Variants in PTCHD1 observed in about 807,000 individuals in gnomAD.
PTCHD1 encodes patched domain-containing protein 1.
In PTCHD1, 3 loss-of-function variants were observed where a neutral mutation model predicts 34.6. That is an observed-to-expected ratio of 0.09 (90% CI 0.04 to 0.22). PTCHD1 has a LOEUF of 0.22. PTCHD1 is among the 10% of genes least tolerant of loss of function. The pLI, the probability that PTCHD1 is intolerant of heterozygous loss-of-function variation, is 1.00. For missense variants in PTCHD1, 504 were observed against 685.5 expected (o/e 0.74, Z 2.96); for synonymous variants, 305 against 283.1 (o/e 1.08, Z -0.77).
At chrX:23,389,462 G>A (rs1364052024) in intron 2 of PTCHD1, among the ~76,000 whole-genome samples, 1 of 111,956 alleles carries the variant, frequency 8.9e-6, no homozygotes, top group African/African-American at 3.3e-5. Context: ...CCCAGTTATG[G>A]TATCAGCAAT....
intron 1 of PTCHD1, among the ~76,000 whole-genome samples, chrX:23,336,336 C>T (rs1426883725): frequency 9.0e-6 from 1 of 110,981 alleles, no homozygotes; most frequent in Non-Finnish European, 1.9e-5. Flanking sequence ...AAGAACCAGT[C>T]CCAGCTGGGA....
chrX:23,337,995 G>C (rs758641176), intron 1 of PTCHD1, among the ~76,000 whole-genome samples: 1 of 112,000 alleles, frequency 8.9e-6, no homozygotes, highest in South Asian at 3.8e-4. Context: ...AAATGTAATT[G>C]AGAGTATTAC....
intron 1 of PTCHD1, among the ~76,000 whole-genome samples, chrX:23,377,578 GT>G (rs1922444656): frequency 7.2e-5 from 6 of 83,340 alleles, no homozygotes; most frequent in South Asian, 5.3e-4. Flanking sequence ...TCCTAGGGGT[GT>G]GTGTGTGTGT....
intron 1 of PTCHD1, among the ~76,000 whole-genome samples, chrX:23,370,520 C>G (rs1922248873): frequency 8.9e-6 from 1 of 111,850 alleles, no homozygotes. Flanking sequence ...GGAAGAAATG[C>G]ACTGTCCTAT....
In PTCHD1 at chrX:23,350,520, A is replaced by G. The variant is rs765592998; in HGVS notation, c.351+15294A>G. 5.4e-5 allele frequency among the ~76,000 whole-genome samples: 6 copies of G among 112,006 alleles called. No individual in the cohort carries two copies. The South Asian group carries it at 1.9e-3, about 35-fold the overall frequency. ...TTGGAGAAAAGGATTCAGCTGTTGT[A>G]TATATGCCAGTTGCAATACTCCCAA... is the stretch of plus-strand genomic sequence containing the variant. On this transcript the variant is annotated intron_variant, in intron 1 of 2. Transcript: ENST00000379361.
rs767052322 is a variant in PTCHD1, at chrX:23,394,602, A to G, written c.*417A>G. On this transcript the variant is annotated 3_prime_UTR_variant, in exon 3 of 3. Coordinates refer to ENST00000379361, the MANE Select transcript of PTCHD1 (RefSeq NM_173495.3). Reference sequence around the variant, plus strand: ...CAACTGCCAAGGCAGAAACACCTTTAAGCATTGTTCAAACAATAAGGCTTC... The same window carrying G: ...CAACTGCCAAGGCAGAAACACCTTTGAGCATTGTTCAAACAATAAGGCTTC... The G allele has an allele frequency of 7.4e-6, 1 of 136,030 alleles. No individual in the cohort carries two copies. The highest frequency in any genetic ancestry group is 2.1e-4 in the South Asian group (1 of 4,684). The allele number at this position is 136,030 out of a possible 1,213,427, so 11.2% of individuals were successfully genotyped here. A position where few individuals can be genotyped will look rare whatever the true frequency, so the allele number is the denominator to read the frequency against.
chrX:23,335,277 G>T (rs188580863), intron 1 of PTCHD1, 51 bp downstream of exon 1: 13,842 of 1,032,286 alleles, frequency 0.013, 76 homozygotes, highest in Non-Finnish European at 0.016. Context: ...GGCCGCGGTC[G>T]GGCTGGCTCT....
At chrX:23,344,150 G>T (rs1322427559) in intron 1 of PTCHD1, among the ~76,000 whole-genome samples, 2 of 112,242 alleles carry the variant, frequency 1.8e-5, no homozygotes, top group Non-Finnish European at 3.8e-5. Context: ...GGAGTAGCAA[G>T]GCTCAAATTT....
chrX:23,365,452 G>T (rs913496291), intron 1 of PTCHD1, among the ~76,000 whole-genome samples: 2 of 110,898 alleles, frequency 1.8e-5, no homozygotes, highest in Middle Eastern at 4.2e-3. Context: ...TCAAGTAAAG[G>T]CAGCTTACTT....
At chrX:23,335,290 G>T in intron 1 of PTCHD1, 64 bp downstream of exon 1, 1 of 938,555 alleles carries the variant, frequency 1.1e-6, no homozygotes, top group South Asian at 2.0e-5. Flanking sequence ...CTGGCTCTGC[G>T]CTGGGGTCCC....
intron 1 of PTCHD1, among the ~76,000 whole-genome samples, chrX:23,361,943 G>A (rs1374039321): frequency 3.6e-5 from 4 of 112,116 alleles, no homozygotes; most frequent in Non-Finnish European, 7.5e-5. Context: ...TTCTGGGTTG[G>A]AAATTCTCTT....
At chrX:23,362,185 G>A (rs1274001412) in intron 1 of PTCHD1, among the ~76,000 whole-genome samples, 4 of 111,875 alleles carry the variant, frequency 3.6e-5, no homozygotes, top group African/African-American at 1.3e-4. Flanking sequence ...TCCTGAGTTT[G>A]AATGTTGTCC....
intron 1 of PTCHD1, among the ~76,000 whole-genome samples, chrX:23,366,155 G>A (rs1393546918): frequency 8.9e-6 from 1 of 112,062 alleles, no homozygotes; most frequent in Non-Finnish European, 1.9e-5. Context: ...CTTCAAGCTA[G>A]TATGACCCCC....
chrX:23,339,122 T>C (rs941800381), intron 1 of PTCHD1, among the ~76,000 whole-genome samples: 1 of 112,202 alleles, frequency 8.9e-6, no homozygotes, highest in Non-Finnish European at 1.9e-5. Flanking sequence ...AGCTACTCAA[T>C]AAATACTTGT....
intron 2 of PTCHD1, among the ~76,000 whole-genome samples, chrX:23,389,239 G>T (rs1461858617): frequency 9.0e-6 from 1 of 111,620 alleles, no homozygotes; most frequent in Non-Finnish European, 1.9e-5. Flanking sequence ...AGGGCTTTTG[G>T]AATGTGTCTC....
intron 1 of PTCHD1, among the ~76,000 whole-genome samples, chrX:23,372,221 G>T (rs780109512): frequency 9.1e-6 from 1 of 109,411 alleles, no homozygotes; most frequent in Non-Finnish European, 1.9e-5. Flanking sequence ...CAGGAAAGAT[G>T]ATTGCATTTA....
At chrX:23,380,564 G>C (rs943442154) in intron 2 of PTCHD1, among the ~76,000 whole-genome samples, 2 of 111,476 alleles carry the variant, frequency 1.8e-5, no homozygotes, top group Non-Finnish European at 3.8e-5. Context: ...GCAGGGCCCT[G>C]AGAAAAAGAT....
Position 23,397,602 on chromosome X carries a change from T to G in PTCHD1, c.*3417T>G, listed in dbSNP as rs1923022034. ...CCTTCTGCCTTTTACTCCCTCAGTT[T>G]TCAGTCAGAAGTGTGATAATCAGAT... On this transcript the variant is annotated 3_prime_UTR_variant, in exon 3 of 3. Coordinates refer to ENST00000379361, the MANE Select transcript of PTCHD1 (RefSeq NM_173495.3). 1 of 112,112 alleles carries G rather than the reference T, an allele frequency of 8.9e-6. No individual in the cohort carries two copies. Among genetic ancestry groups the G allele is most frequent in the Non-Finnish European group, 1.9e-5 (1 of 53,253 alleles). The allele number at this position is 112,112 out of a possible 1,213,427, so 9.2% of individuals were successfully genotyped here.
At chrX:23,363,817 T>C (rs1922059822) in intron 1 of PTCHD1, among the ~76,000 whole-genome samples, 1 of 112,702 alleles carries the variant, frequency 8.9e-6, no homozygotes, top group South Asian at 3.6e-4. Flanking sequence ...ATTATAGAAC[T>C]GACTGTTCAA....
Sources: allele counts gnomAD v4.1 joint callset (sites outside exome capture counted in the v4.1 genomes callset), GRCh38; gene constraint gnomAD v4.1.1; transcripts MANE v1.5; gene names NCBI Gene and HGNC (gene_info 2026-07-23, HGNC 2026-07-21).